Variants in SLC25A31 observed in about 807,000 individuals in gnomAD.
SLC25A31 encodes ADP/ATP translocase 4.
A neutral mutation model predicts 36.2 loss-of-function variants in SLC25A31; 40 were observed. That is an observed-to-expected ratio of 1.10 (90% CI 0.86 to 1.44). SLC25A31 has a LOEUF of 1.44. Among genes scored for constraint, SLC25A31 ranks in the 40% most tolerant of loss-of-function variants. The pLI is 0.00. For synonymous variants in SLC25A31, 143 were observed against 149.7 expected, an observed-to-expected ratio of 0.96 and a Z score of 0.32; for missense variants, 350 against 397.1, an observed-to-expected ratio of 0.88 and a Z score of 1.01.
chr4:127,741,851 C>T (rs1266375961), intron 1 of SLC25A31, among the ~76,000 whole-genome samples: 2 of 152,114 alleles, frequency 1.3e-5, no homozygotes, highest in South Asian at 2.1e-4. Flanking sequence ...ATGATTCAGA[C>T]TTGGTAGATT....
chr4:127,773,675 T>C lies in SLC25A31; in HGVS notation c.*101T>C, dbSNP rs1732412807. The stretch of plus-strand genomic sequence containing the variant: ...TTTTGATAGTGTTATTGTCTGTATT[T>C]TGTTAAAGTGCTAGTTCTGCAATAA... On this transcript the variant is annotated 3_prime_UTR_variant, in exon 6 of 6. Transcript: ENST00000281154. The C allele has an allele frequency of 1.1e-6, 1 of 944,428 alleles. No homozygotes were observed. The highest frequency in any genetic ancestry group is 3.0e-5 in the Admixed American group (1 of 32,940). The allele number at this position is 944,428 out of a possible 1,614,324, so 58.5% of individuals were successfully genotyped here. A position where few individuals can be genotyped will look rare whatever the true frequency, so the allele number is the denominator to read the frequency against.
rs775263684 is a variant in SLC25A31, at chr4:127,730,500, T to G, written c.-46T>G. 5.1e-6 allele frequency: 8 copies of G among 1,580,448 alleles called. No individual in the cohort carries two copies. The East Asian group carries it at 1.4e-4, about 27-fold the overall frequency. ...CCGCTTCCCTTCATCGTAGCTCCCG[T>G]ACTCATTTTTAGCCACTGCTGCCGG... On this transcript the variant is annotated 5_prime_UTR_variant, in exon 1 of 6. Coordinates refer to ENST00000281154, the MANE Select transcript of SLC25A31 (RefSeq NM_031291.4).
chr4:127,770,231 G>A (rs569245267), intron 5 of SLC25A31, among the ~76,000 whole-genome samples: 4 of 152,294 alleles, frequency 2.6e-5, no homozygotes, highest in Admixed American at 6.5e-5. Flanking sequence ...AAATTAATTT[G>A]CACGTAGACT....
intron 2 of SLC25A31, among the ~76,000 whole-genome samples, chr4:127,760,046 G>A (rs1309150891): frequency 2.0e-5 from 3 of 152,160 alleles, no homozygotes; most frequent in African/African-American, 7.2e-5. Flanking sequence ...TCATGGAACT[G>A]TTGACCAATT....
chr4:127,747,758 C>T (rs1731851223), intron 2 of SLC25A31, among the ~76,000 whole-genome samples: 1 of 152,156 alleles, frequency 6.6e-6, no homozygotes, highest in Non-Finnish European at 1.5e-5. Flanking sequence ...TGGAATTTCC[C>T]TTGACTCAGA....
intron 2 of SLC25A31, among the ~76,000 whole-genome samples, chr4:127,753,358 T>C (rs1731972129): frequency 6.6e-6 from 1 of 151,660 alleles, no homozygotes; most frequent in African/African-American, 2.4e-5. Flanking sequence ...AAATAGAGAC[T>C]AGAGATAAAA....
At chr4:127,748,139 C>T (rs1731858127) in intron 2 of SLC25A31, among the ~76,000 whole-genome samples, 1 of 152,166 alleles carries the variant, frequency 6.6e-6, no homozygotes, top group Non-Finnish European at 1.5e-5. Flanking sequence ...AGAGATCAAA[C>T]TCATACAGCT....
chr4:127,731,642 G>A (rs750428130), intron 1 of SLC25A31, among the ~76,000 whole-genome samples: 1 of 152,006 alleles, frequency 6.6e-6, no homozygotes, highest in African/African-American at 2.4e-5. Flanking sequence ...CCCAGATCGC[G>A]CCACCGCACT....
intron 1 of SLC25A31, 105 bp from the exon 2 acceptor site, chr4:127,744,567 G>A (rs1235155956): frequency 1.5e-5 from 15 of 981,246 alleles, no homozygotes; most frequent in Non-Finnish European, 2.1e-5. Context: ...TTTCTCATAA[G>A]AAAGAGTATG....
intron 1 of SLC25A31, among the ~76,000 whole-genome samples, chr4:127,734,852 C>A (rs1293338586): frequency 2.0e-5 from 3 of 151,586 alleles, no homozygotes; most frequent in Admixed American, 6.6e-5. Context: ...TGGCATTGTC[C>A]CCTATGCTTG....
chr4:127,740,243 A>G (rs1326516544), intron 1 of SLC25A31, among the ~76,000 whole-genome samples: 1 of 151,582 alleles, frequency 6.6e-6, no homozygotes, highest in Non-Finnish European at 1.5e-5. Flanking sequence ...TTCTTTTTCT[A>G]TGTAACATTA....
chr4:127,747,878 T>C lies in SLC25A31; in HGVS notation c.360+3079T>C, dbSNP rs558884078. Among the ~76,000 whole-genome samples the C allele has an allele frequency of 2.0e-5, 3 of 152,216 alleles. No individual in the cohort carries two copies. The East Asian group carries it at 5.8e-4, about 29-fold the overall frequency. ...ATACTGTGGTTTATTAAAGCAAAGGTACTCCAATTAAAATCAAAGGAAAAA... is the reference window on the plus strand; with the variant it reads ...ATACTGTGGTTTATTAAAGCAAAGGCACTCCAATTAAAATCAAAGGAAAAA... On this transcript the variant is annotated intron_variant, in intron 2 of 5. Coordinates refer to ENST00000281154, the MANE Select transcript of SLC25A31 (RefSeq NM_031291.4).
intron 4 of SLC25A31, among the ~76,000 whole-genome samples, chr4:127,768,049 T>C (rs1463289039): frequency 6.6e-6 from 1 of 151,890 alleles, no homozygotes; most frequent in East Asian, 1.9e-4. Context: ...AGTAATTTAC[T>C]TGTTAAAGGC....
chr4:127,751,109 T>G (rs1731923302), intron 2 of SLC25A31, among the ~76,000 whole-genome samples: 2 of 152,198 alleles, frequency 1.3e-5, no homozygotes, highest in South Asian at 4.1e-4. Context: ...GAGCCCACCT[T>G]GCCAAGTCAA....
chr4:127,768,962 G>C, intron 5 of SLC25A31, 85 bp downstream of exon 5: 1 of 1,258,812 alleles, frequency 7.9e-7, no homozygotes, highest in Non-Finnish European at 1.1e-6. Context: ...AGAAATGTTG[G>C]CTGAAAGGCA....
At chr4:127,750,213 T>C (rs1437330978) in intron 2 of SLC25A31, among the ~76,000 whole-genome samples, 1 of 151,706 alleles carries the variant, frequency 6.6e-6, no homozygotes, top group African/African-American at 2.4e-5. Flanking sequence ...AGACAATAAA[T>C]AACATGAAAA....
intron 1 of SLC25A31, among the ~76,000 whole-genome samples, chr4:127,731,589 G>C (rs1470441070): frequency 6.6e-6 from 1 of 152,126 alleles, no homozygotes; most frequent in Non-Finnish European, 1.5e-5. Context: ...CACGCCTGCA[G>C]TCCCAGCTAC....
At chr4:127,747,532 T>C (rs1299256248) in intron 2 of SLC25A31, among the ~76,000 whole-genome samples, 1 of 152,200 alleles carries the variant, frequency 6.6e-6, no homozygotes, top group African/African-American at 2.4e-5. Context: ...CCTAGGTATT[T>C]TATTCTCTTT....
At chr4:127,772,599 T>C (rs927340054) in intron 5 of SLC25A31, among the ~76,000 whole-genome samples, 1 of 152,148 alleles carries the variant, frequency 6.6e-6, no homozygotes, top group Non-Finnish European at 1.5e-5. Flanking sequence ...TGTCTAAAAA[T>C]GTTTAGGTTG....
Sources: allele counts gnomAD v4.1 joint callset (sites outside exome capture counted in the v4.1 genomes callset), GRCh38; gene constraint gnomAD v4.1.1; transcripts MANE v1.5; gene names NCBI Gene and HGNC (gene_info 2026-07-23, HGNC 2026-07-21).